The following TTC6 variants were observed in gnomAD, a reference collection of about 807,000 sequenced individuals.
TTC6 encodes the protein tetratricopeptide repeat domain 6, also known as tetratricopeptide repeat protein 6.
TTC6 carries 172 observed loss-of-function variants against 210.4 expected under a neutral mutation model. The observed-to-expected ratio is 0.82, with a 90% confidence interval of 0.72 to 0.93. The LOEUF (loss-of-function observed/expected upper bound fraction) is 0.93. Ranked by LOEUF, TTC6 falls within the 40% of genes least tolerant of loss-of-function variation. The pLI, the probability that TTC6 is intolerant of heterozygous loss-of-function variation, is 0.00. For synonymous variants in TTC6, 804 were observed against 819.6 expected, an observed-to-expected ratio of 0.98 and a Z score of 0.32; for missense variants, 2,414 against 2,318.1, an observed-to-expected ratio of 1.04 and a Z score of -0.85.
intron 1 of TTC6, among the ~76,000 whole-genome samples, chr14:37,632,412 T>C (rs1342201389): frequency 6.6e-6 from 1 of 152,216 alleles, no homozygotes; most frequent in African/African-American, 2.4e-5. Flanking sequence ...GGAGATCCGC[T>C]GCAGACTCAG....
At chr14:37,624,025 T>C (rs2095656002) in intron 1 of TTC6, among the ~76,000 whole-genome samples, 1 of 152,194 alleles carries the variant, frequency 6.6e-6, no homozygotes. Context: ...GCTACAAATA[T>C]CTTATTAGTA....
intron 14 of TTC6, among the ~76,000 whole-genome samples, chr14:37,772,757 C>A (rs1170988066): frequency 1.3e-5 from 2 of 152,154 alleles, no homozygotes; most frequent in South Asian, 4.1e-4. Flanking sequence ...GCAGATATCA[C>A]CCGTCTTCTG....
chr14:37,808,760 A>G, exon 24 of TTC6: 1 of 1,518,166 alleles, frequency 6.6e-7, no homozygotes, highest in South Asian at 1.3e-5. Context: ...TACAGATTTA[A>G]CTACAGCTAT....
chr14:37,612,187 G>A (rs1401115292), intron 2 of TTC6, among the ~76,000 whole-genome samples: 4 of 152,064 alleles, frequency 2.6e-5, no homozygotes, highest in Non-Finnish European at 5.9e-5. Context: ...CAATATAACC[G>A]AACCTTTTCA....
chr14:37,799,347 T>C (rs1226695730), intron 20 of TTC6, among the ~76,000 whole-genome samples: 1 of 152,178 alleles, frequency 6.6e-6, no homozygotes, highest in Non-Finnish European at 1.5e-5. Context: ...TTCTCTTTAC[T>C]CTGGCACAAC....
intron 25 of TTC6, among the ~76,000 whole-genome samples, chr14:37,815,596 G>C (rs2096139562): frequency 6.6e-6 from 1 of 152,066 alleles, no homozygotes; most frequent in Non-Finnish European, 1.5e-5. Flanking sequence ...TTGAGATGTA[G>C]ATCTACATCT....
In TTC6 at chr14:37,669,196, A is replaced by T. The variant is rs1329205454; in HGVS notation, c.940-10955A>T. 2.6e-5 allele frequency among the ~76,000 whole-genome samples: 4 copies of T among 152,198 alleles called. No individual in the cohort carries two copies. The East Asian group carries it at 7.7e-4, about 29-fold the overall frequency. The stretch of plus-strand genomic sequence containing the variant: ...GGAGTGATTTCCTTTTTGAATTAGA[A>T]TCTGGCTGTGAGCAAAACCATGTTA... On this transcript the variant is annotated intron_variant, in intron 1 of 30. Transcript: ENST00000553443.
chr14:37,620,737 A>C (rs1317062124), upstream of TTC6, among the ~76,000 whole-genome samples: 1 of 152,252 alleles, frequency 6.6e-6, no homozygotes. Flanking sequence ...AGTGAATAAC[A>C]GAAGTTTTAT....
At chr14:37,755,079 G>C (rs1302415087) in intron 14 of TTC6, among the ~76,000 whole-genome samples, 1 of 152,092 alleles carries the variant, frequency 6.6e-6, no homozygotes, top group African/African-American at 2.4e-5. Flanking sequence ...GTTGTTACCT[G>C]ACTTTTTATC....
upstream of TTC6, among the ~76,000 whole-genome samples, chr14:37,617,797 CT>C (rs2095645112): frequency 6.6e-6 from 1 of 152,134 alleles, no homozygotes; most frequent in Non-Finnish European, 1.5e-5. Context: ...TCTTTTGGAA[CT>C]TTAGTACTGT....
exon 25 of TTC6, chr14:37,812,378 T>C (rs2096131476): frequency 6.2e-7 from 1 of 1,613,342 alleles, no homozygotes; most frequent in Non-Finnish European, 8.5e-7. Flanking sequence ...CTAAATACCT[T>C]CCTTAATCGT....
chr14:37,622,320 G>C, exon 1 of TTC6: 1 of 1,533,588 alleles, frequency 6.5e-7, no homozygotes, highest in South Asian at 1.2e-5. Context: ...TGCGATGTCC[G>C]CGGCCGCCCT....
At chr14:37,622,663 C>T (rs748792078) in exon 1 of TTC6, 90 of 1,535,034 alleles carry the variant, frequency 5.9e-5, no homozygotes, top group Admixed American at 7.8e-5. Context: ...CCCTGCATGG[C>T]CAAAGAGAGG....
intron 1 of TTC6, among the ~76,000 whole-genome samples, chr14:37,600,934 C>T (rs1362388750): frequency 6.6e-6 from 1 of 152,234 alleles, no homozygotes; most frequent in Non-Finnish European, 1.5e-5. Flanking sequence ...AGCAAAACTA[C>T]TGCTTAGCTT....
At chr14:37,684,470 T>G (rs1234765155) in intron 3 of TTC6, among the ~76,000 whole-genome samples, 1 of 152,198 alleles carries the variant, frequency 6.6e-6, no homozygotes, top group Non-Finnish European at 1.5e-5. Flanking sequence ...CATTTGGATG[T>G]TTCTAAGAAG....
chr14:37,663,279 C>T (rs955960598), intron 1 of TTC6, among the ~76,000 whole-genome samples: 1 of 151,982 alleles, frequency 6.6e-6, no homozygotes, highest in African/African-American at 2.4e-5. Flanking sequence ...CTGAAGTTGT[C>T]AGCTGAAGGA....
chr14:37,637,100 C>T (rs2095682338), intron 1 of TTC6, among the ~76,000 whole-genome samples: 1 of 151,890 alleles, frequency 6.6e-6, no homozygotes, highest in Admixed American at 6.6e-5. Flanking sequence ...CAACAACAAA[C>T]AAACAAACCA....
At chr14:37,751,086 G>A in exon 13 of TTC6, 1 of 1,522,484 alleles carries the variant, frequency 6.6e-7, no homozygotes, top group Non-Finnish European at 8.8e-7. Context: ...ATTTACAGGG[G>A]AAAAAAAGAC....
chr14:37,731,775 CT>C (rs2095886854), intron 7 of TTC6, among the ~76,000 whole-genome samples: 1 of 152,094 alleles, frequency 6.6e-6, no homozygotes. Flanking sequence ...TACACATAAC[CT>C]TTCTGTATTC....
Sources: allele counts gnomAD v4.1 joint callset (sites outside exome capture counted in the v4.1 genomes callset), GRCh38; gene constraint gnomAD v4.1.1; transcripts MANE v1.5; gene names NCBI Gene and HGNC (gene_info 2026-07-23, HGNC 2026-07-21).